GPATCH2: variants seen among roughly 807,000 people sequenced by gnomAD.
GPATCH2 encodes G-patch domain containing 2.
In GPATCH2, 51 loss-of-function variants were observed where a neutral mutation model predicts 58.0. That is an observed-to-expected ratio of 0.88 (90% CI 0.70 to 1.11). The LOEUF is 1.11. GPATCH2 is among the 50% of genes most tolerant of loss of function. The probability of loss-of-function intolerance (pLI) is 0.00; values close to 1 mark genes in which losing one functional copy is unlikely to be tolerated. For missense variants in GPATCH2, 625 were observed against 652.2 expected (o/e 0.96, Z 0.45); for synonymous variants, 222 against 218.5 (o/e 1.02, Z -0.14).
intron 6 of GPATCH2, among the ~76,000 whole-genome samples, chr1:217,513,413 CTATTT>C (rs1321550277): frequency 1.3e-5 from 2 of 152,114 alleles, no homozygotes; most frequent in Non-Finnish European, 2.9e-5. Context: ...ACAATAATCT[CTATTT>C]TATATTTGTT....
chr1:217,447,188 G>C (rs1313131775), intron 9 of GPATCH2, among the ~76,000 whole-genome samples: 2 of 152,268 alleles, frequency 1.3e-5, no homozygotes, highest in Non-Finnish European at 2.9e-5. Context: ...TGTATGAAGA[G>C]ATATATTAGA....
intron 5 of GPATCH2, among the ~76,000 whole-genome samples, chr1:217,567,737 C>T (rs2102708281): frequency 6.6e-6 from 1 of 152,268 alleles, no homozygotes; most frequent in East Asian, 1.9e-4. Flanking sequence ...ATTGAAGTAA[C>T]TCATGCTAAG....
At chr1:217,562,111 T>C (rs1196619439) in intron 5 of GPATCH2, among the ~76,000 whole-genome samples, 1 of 152,064 alleles carries the variant, frequency 6.6e-6, no homozygotes, top group Non-Finnish European at 1.5e-5. Flanking sequence ...CCTTAGCAAT[T>C]CCAAATGATC....
At chr1:217,567,274 G>A (rs568367313) in intron 5 of GPATCH2, among the ~76,000 whole-genome samples, 14 of 152,034 alleles carry the variant, frequency 9.2e-5, no homozygotes, top group East Asian at 7.8e-4. Flanking sequence ...TTGAACTCCC[G>A]ACCTCAGGTG....
intron 8 of GPATCH2, among the ~76,000 whole-genome samples, chr1:217,482,701 TA>T (rs1001471967): frequency 6.6e-6 from 1 of 151,508 alleles, no homozygotes; most frequent in African/African-American, 2.4e-5. Context: ...AGATTTTATT[TA>T]AAAAAAAATA....
At chr1:217,567,526 G>T (rs934418014) in intron 5 of GPATCH2, among the ~76,000 whole-genome samples, 2 of 152,166 alleles carry the variant, frequency 1.3e-5, no homozygotes, top group Non-Finnish European at 2.9e-5. Flanking sequence ...TACCTTAGCT[G>T]GTTCTCAGTG....
intron 5 of GPATCH2, among the ~76,000 whole-genome samples, chr1:217,579,934 T>C (rs1666982244): frequency 1.3e-5 from 2 of 152,332 alleles, no homozygotes; most frequent in Middle Eastern, 3.4e-3. Flanking sequence ...TCCAATATGG[T>C]AGCCACTAGT....
chr1:217,561,615 C>T (rs1304072250), intron 5 of GPATCH2, among the ~76,000 whole-genome samples: 2 of 152,200 alleles, frequency 1.3e-5, no homozygotes, highest in Non-Finnish European at 2.9e-5. Context: ...TGTCTTCACA[C>T]ATCGGTATTT....
At chr1:217,445,453 C>T (rs759077396) in intron 9 of GPATCH2, among the ~76,000 whole-genome samples, 24 of 152,070 alleles carry the variant, frequency 1.6e-4, no homozygotes, top group Admixed American at 1.6e-3. Context: ...AATAATATTC[C>T]TCTTATTTTG....
At chr1:217,573,196 C>G (rs1666649142) in intron 5 of GPATCH2, among the ~76,000 whole-genome samples, 1 of 152,192 alleles carries the variant, frequency 6.6e-6, no homozygotes, top group African/African-American at 2.4e-5. Flanking sequence ...GATGCCCTCT[C>G]CGTACCCTCC....
chr1:217,472,414 G>A (rs538091979), intron 8 of GPATCH2, among the ~76,000 whole-genome samples: 302 of 145,842 alleles, frequency 2.1e-3, no homozygotes, highest in Non-Finnish European at 3.6e-3. Flanking sequence ...CCATTCTCCC[G>A]CCTCAGCCTC....
chr1:217,448,744 A>T (rs974427386), intron 9 of GPATCH2, among the ~76,000 whole-genome samples: 12 of 152,174 alleles, frequency 7.9e-5, no homozygotes, highest in African/African-American at 2.9e-4. Flanking sequence ...GCAATCTAGT[A>T]CTAATGTTGT....
intron 1 of GPATCH2, among the ~76,000 whole-genome samples, chr1:217,630,469 G>C (rs1337313569): frequency 1.3e-5 from 2 of 152,040 alleles, no homozygotes; most frequent in Non-Finnish European, 2.9e-5. Context: ...TTAAAAAAGG[G>C]GGTGAGAGGG....
At chr1:217,570,176 A>G (rs1202605725) in intron 5 of GPATCH2, among the ~76,000 whole-genome samples, 1 of 152,132 alleles carries the variant, frequency 6.6e-6, no homozygotes, top group East Asian at 1.9e-4. Context: ...CAGTGGCTCA[A>G]TCTCGGCTGA....
intron 8 of GPATCH2, among the ~76,000 whole-genome samples, chr1:217,466,393 T>C (rs1368641685): frequency 1.8e-4 from 27 of 152,160 alleles, no homozygotes. Context: ...TTTTTCTTTC[T>C]TTCTTCCTTT....
chr1:217,552,099 G>A (rs1038479113), intron 5 of GPATCH2, among the ~76,000 whole-genome samples: 6 of 151,914 alleles, frequency 3.9e-5, no homozygotes, highest in Non-Finnish European at 7.4e-5. Context: ...GAAATACGGG[G>A]AAAAAATACT....
At chr1:217,626,803 A>G (rs1343634316) in intron 1 of GPATCH2, among the ~76,000 whole-genome samples, 4 of 152,128 alleles carry the variant, frequency 2.6e-5, no homozygotes, top group Non-Finnish European at 5.9e-5. Flanking sequence ...GTCGACACTT[A>G]TGCTAGTTTA....
At chr1:217,483,247 C>A (rs1216722051) in intron 8 of GPATCH2, among the ~76,000 whole-genome samples, 1 of 151,776 alleles carries the variant, frequency 6.6e-6, no homozygotes, top group African/African-American at 2.4e-5. Context: ...TGCAGTGGTA[C>A]AATCTTGGCT....
intron 6 of GPATCH2, among the ~76,000 whole-genome samples, chr1:217,501,886 T>C (rs1662323561): frequency 6.6e-6 from 1 of 152,144 alleles, no homozygotes; most frequent in Non-Finnish European, 1.5e-5. Flanking sequence ...TGCAAATATT[T>C]TCTCTCAGTG....
Sources: allele counts gnomAD v4.1 joint callset (sites outside exome capture counted in the v4.1 genomes callset), GRCh38; gene constraint gnomAD v4.1.1; transcripts MANE v1.5; gene names NCBI Gene and HGNC (gene_info 2026-07-23, HGNC 2026-07-21).